The following BIK variants were observed in gnomAD, a reference collection of about 807,000 sequenced individuals.
BIK encodes BCL2 interacting killer.
BIK carries 14 observed loss-of-function variants against 12.1 expected under a neutral mutation model. The ratio of observed to expected loss-of-function variants is 1.16; its 90% CI spans 0.77 to 1.81. BIK has a LOEUF of 1.81. Among genes scored for constraint, BIK ranks in the 40% most tolerant of loss-of-function variants. The pLI, the probability that BIK is intolerant of heterozygous loss-of-function variation, is 0.00. For synonymous variants in BIK, 86 were observed against 92.3 expected (o/e 0.93, Z 0.39); for missense variants, 215 against 207.9 (o/e 1.03, Z -0.21).
Position 43,128,510 on chromosome 22 carries a change from TC to T in BIK, c.276del (p.Phe92LeufsTer27). ...TTTGTCTATAGCCTGGGTCTGGCTT[TC>T]ATCTACGACCAGACTGAGGACATCA... Reference protein sequence around the residue: ...EVAMHSLGLAFIYDQTEDIRD... With the variant: ...EVAMHSLGLAXIYDQTEDIRD... On this transcript the variant is annotated frameshift_variant, in exon 4 of 5. Coordinates refer to ENST00000216115, the MANE Select transcript of BIK (RefSeq NM_001197.5). LOFTEE classifies it high-confidence loss of function. The T allele has an allele frequency of 6.2e-7, 1 of 1,613,952 alleles. No homozygotes were observed. Among genetic ancestry groups the T allele is most frequent in the Non-Finnish European group, 8.5e-7 (1 of 1,179,818 alleles).
At chr22:43,117,150 T>C (rs5751435) in intron 1 of BIK, among the ~76,000 whole-genome samples, 131,320 of 152,056 alleles carry the variant, frequency 0.86, 56,808 homozygotes, top group East Asian at 0.95. Context: ...CACTGGCACT[T>C]GGCTTCAGTT....
Position 43,129,439 on chromosome 22 carries a change from AAC to A in BIK, c.*137_*138del, listed in dbSNP as rs1014920764. 8.0e-6 allele frequency: 11 copies of A among 1,368,460 alleles called. No individual in the cohort carries two copies. Among genetic ancestry groups the A allele is most frequent in the Non-Finnish European group, 1.1e-5 (11 of 1,037,486 alleles). The allele number at this position is 1,368,460 out of a possible 1,614,324, so 84.8% of individuals were successfully genotyped here. On this transcript the variant is annotated 3_prime_UTR_variant, in exon 5 of 5. Transcript: ENST00000216115. Reference sequence around the variant, plus strand: ...TATTTAAACCCCGAGATAGTGCTGGAACACTGCTGAGGTTTTATACTCAGGTT... The same window carrying A: ...TATTTAAACCCCGAGATAGTGCTGGAACTGCTGAGGTTTTATACTCAGGTT...
At chr22:43,126,977 C>T (rs1930328496) in intron 2 of BIK, among the ~76,000 whole-genome samples, 1 of 152,106 alleles carries the variant, frequency 6.6e-6, no homozygotes, top group Non-Finnish European at 1.5e-5. Context: ...CAGCTCAGGG[C>T]CCCTAGGAGT....
At position 43,129,315 on chromosome 22, in the gene BIK, G is replaced by C; in HGVS notation, c.*10G>C. On this transcript the variant is annotated 3_prime_UTR_variant, in exon 5 of 5. Transcript: ENST00000216115. ...CCTGCTGCTCAAGTGAGGCCCCGGC[G>C]GCTCAGGGCGGGGCTGGCCCCACCC... is the stretch of plus-strand genomic sequence containing the variant. 6.3e-7 allele frequency: 1 copy of C among 1,596,780 alleles called. No homozygotes were observed. Among genetic ancestry groups the C allele is most frequent in the Non-Finnish European group, 8.5e-7 (1 of 1,178,258 alleles).
At chr22:43,127,195 T>C (rs735575) in intron 2 of BIK, among the ~76,000 whole-genome samples, 6,652 of 152,078 alleles carry the variant, frequency 0.044, 486 homozygotes, top group African/African-American at 0.15. Context: ...AGAGGGGTGG[T>C]GCCAGCAGGG....
At chr22:43,113,386 G>A (rs1930047945) in intron 1 of BIK, among the ~76,000 whole-genome samples, 1 of 151,960 alleles carries the variant, frequency 6.6e-6, no homozygotes, top group Non-Finnish European at 1.5e-5. Context: ...ACAGGCGTGA[G>A]CCACCTCACC....
chr22:43,129,519 T>C lies in BIK; in HGVS notation c.*214T>C, dbSNP rs1253350310. ...GTTTTTTCTAAAAGATGAATTCCTA[T>C]GGCTCTGCAATTGTCACCGGTTAAC... On this transcript the variant is annotated 3_prime_UTR_variant, in exon 5 of 5. Transcript: ENST00000216115. 1 of 785,314 alleles carries C rather than the reference T, an allele frequency of 1.3e-6. No homozygotes were observed. The highest frequency in any genetic ancestry group is 1.8e-5 in the African/African-American group (1 of 56,528). The allele number at this position is 785,314 out of a possible 1,614,324, so 48.6% of individuals were successfully genotyped here. A position where few individuals can be genotyped will look rare whatever the true frequency, so the allele number is the denominator to read the frequency against.
At chr22:43,122,424 G>A (rs558805747) in intron 1 of BIK, among the ~76,000 whole-genome samples, 19 of 152,272 alleles carry the variant, frequency 1.2e-4, no homozygotes, top group Admixed American at 1.2e-3. Context: ...ATAGCCCAGG[G>A]CGGGGCTCTC....
chr22:43,114,140 T>G (rs1930064880), intron 1 of BIK, among the ~76,000 whole-genome samples: 1 of 152,164 alleles, frequency 6.6e-6, no homozygotes, highest in Admixed American at 6.5e-5. Context: ...AAAACACCAC[T>G]GGGCCTCGCC....
chr22:43,119,231 C>T (rs1408881861), intron 1 of BIK, among the ~76,000 whole-genome samples: 1 of 151,924 alleles, frequency 6.6e-6, no homozygotes. Flanking sequence ...TGGGTGGGGA[C>T]ACATGGCTAG....
At chr22:43,118,319 A>T (rs1418797329) in intron 1 of BIK, among the ~76,000 whole-genome samples, 1 of 152,134 alleles carries the variant, frequency 6.6e-6, no homozygotes, top group Non-Finnish European at 1.5e-5. Flanking sequence ...CTCTCTTCTA[A>T]GGCTGTTGAT....
rs544964298 is a variant in BIK at position 43,129,223 on chromosome 22, A to T, written c.401A>T (p.Glu134Val). 8.7e-6 allele frequency: 14 copies of T among 1,604,726 alleles called. No homozygotes were observed. In the South Asian group the frequency reaches 1.3e-4, roughly 15 times the overall value. ...SPNPGSWVSC[E>V]QVLLALLLLL... is the part of the protein sequence containing the mutation. ...GCTTTGCTCCCACAGGTGTCCTGCG[A>T]ACAGGTGCTGCTGGCGCTGCTGCTG... The change falls in exon 5 of 5, where the codon GAA becomes GTA. Residue 134 changes from glutamate to valine, a missense_variant. Glu to Val is a moderately radical substitution (Grantham distance 121). Coordinates refer to ENST00000216115, the MANE Select transcript of BIK (RefSeq NM_001197.5).
chr22:43,128,284 G>C (rs1930361371), intron 3 of BIK, among the ~76,000 whole-genome samples: 1 of 152,186 alleles, frequency 6.6e-6, no homozygotes, highest in African/African-American at 2.4e-5. Flanking sequence ...GCTGGCGGAG[G>C]AAGCAGGAAG....
rs138352717 is a variant in BIK at position 43,127,761 on chromosome 22, C to G, written c.226C>G (p.Arg76Gly). ...DEMDVSLRAP[R>G]LAQLSEVAMH... ...GATGGACGTGAGCCTCAGGGCCCCG[C>G]GCCTGGCCCAGCTCTCCGAGGTGGC... is the stretch of plus-strand genomic sequence containing the variant. The change falls in exon 3 of 5, where the codon CGC becomes GGC. Residue 76 changes from arginine (R) to glycine (G), a missense_variant. Coordinates refer to ENST00000216115, the MANE Select transcript of BIK (RefSeq NM_001197.5). 1.3e-6 allele frequency: 2 copies of G among 1,553,250 alleles called. No homozygotes were observed. Among genetic ancestry groups the G allele is most frequent in the Admixed American group, 3.9e-5 (2 of 51,328 alleles).
chr22:43,123,827 C>T (rs1426739842), intron 1 of BIK, among the ~76,000 whole-genome samples, 189 bp from the exon 2 acceptor site: 4 of 152,306 alleles, frequency 2.6e-5, no homozygotes, highest in Admixed American at 6.5e-5. Flanking sequence ...AGGCGACTTG[C>T]CCAGAGGCAC....
At position 43,124,088 on chromosome 22, in the gene BIK, G is replaced by C. The variant is rs1011839768; in HGVS notation, c.66G>C (p.Leu22=). The C allele has an allele frequency of 2.5e-6, 4 of 1,614,102 alleles. 1 individual carries two copies. The South Asian group carries it at 4.4e-5, about 18-fold the overall frequency. ...AGACCCTCCTGTATGAGCAGCTCCT[G>C]GAACCCCCGACCATGGAGGTTCTTG... The part of the protein sequence containing the change: ...LMETLLYEQL[L]EPPTMEVLGM... Residue 22 remains leucine (L), a synonymous_variant, in exon 2 of 5, where the codon CTG becomes CTC. Transcript: ENST00000216115.
At chr22:43,124,495 T>C (rs1426111345) in intron 2 of BIK, among the ~76,000 whole-genome samples, 2 of 152,218 alleles carry the variant, frequency 1.3e-5, no homozygotes, top group Non-Finnish European at 2.9e-5. Context: ...GACAGGCCCT[T>C]AGCGACCTGC....
intron 4 of BIK, among the ~76,000 whole-genome samples, chr22:43,128,967 T>A (rs1930379597): frequency 6.6e-6 from 1 of 152,210 alleles, no homozygotes; most frequent in African/African-American, 2.4e-5. Flanking sequence ...CTGACTGCCC[T>A]CACCTGTGCC....
chr22:43,123,643 C>G (rs377275765), intron 1 of BIK, among the ~76,000 whole-genome samples: 1 of 152,152 alleles, frequency 6.6e-6, no homozygotes, highest in East Asian at 1.9e-4. Context: ...CCCAGCTACT[C>G]GGGAGGCTGA....
Sources: allele counts gnomAD v4.1 joint callset (sites outside exome capture counted in the v4.1 genomes callset), GRCh38; gene constraint gnomAD v4.1.1; transcripts MANE v1.5; gene names NCBI Gene and HGNC (gene_info 2026-07-23, HGNC 2026-07-21).